IMMP2L: variants seen among roughly 807,000 people sequenced by gnomAD.
IMMP2L encodes the protein inner mitochondrial membrane peptidase subunit 2.
Under a neutral mutation model 19.3 loss-of-function variants are expected in IMMP2L, and 18 were observed. The observed-to-expected ratio is 0.93, with a 90% CI of 0.64 to 1.38. IMMP2L has a LOEUF of 1.38. Ranked by LOEUF, IMMP2L falls within the 40% of genes most tolerant of loss-of-function variation. IMMP2L has a pLI of 0.00. For missense variants in IMMP2L, 233 were observed against 218.2 expected (o/e 1.07, Z -0.43); for synonymous variants, 76 against 73.0 (o/e 1.04, Z -0.21).
chr7:110,942,304 T>C (rs192983967), intron 4 of IMMP2L, among the ~76,000 whole-genome samples: 1 of 152,060 alleles, frequency 6.6e-6, no homozygotes, highest in East Asian at 1.9e-4. Context: ...AAATACACAA[T>C]AGCAGTGTCA....
chr7:110,973,788 C>A (rs1820403623), intron 3 of IMMP2L, among the ~76,000 whole-genome samples: 1 of 152,100 alleles, frequency 6.6e-6, no homozygotes, highest in Admixed American at 6.6e-5. Flanking sequence ...ATTCTGTACA[C>A]ATACAAAATG....
chr7:111,173,283 A>T (rs1376522448), intron 3 of IMMP2L, among the ~76,000 whole-genome samples: 1 of 151,616 alleles, frequency 6.6e-6, no homozygotes, highest in African/African-American at 2.4e-5. Context: ...TTTTTCTGAT[A>T]AATTAATTTC....
chr7:110,778,939 C>T (rs1397307506), intron 5 of IMMP2L, among the ~76,000 whole-genome samples: 2 of 151,928 alleles, frequency 1.3e-5, no homozygotes, highest in African/African-American at 4.8e-5. Flanking sequence ...ATTGAACATC[C>T]AGCTGGGAAG....
intron 3 of IMMP2L, among the ~76,000 whole-genome samples, chr7:111,457,730 C>A (rs2131975998): frequency 7.0e-6 from 1 of 142,666 alleles, no homozygotes; most frequent in Admixed American, 7.2e-5. Context: ...CCTTTAGTTG[C>A]TTCAAGATAT....
chr7:111,521,283 C>G, intron 2 of IMMP2L, 30 bp downstream of exon 2: 1 of 1,599,868 alleles, frequency 6.3e-7, no homozygotes, highest in South Asian at 1.1e-5. Flanking sequence ...GAAGTATGTG[C>G]TTTAAAGAAC....
intron 3 of IMMP2L, among the ~76,000 whole-genome samples, chr7:111,475,891 T>C (rs979108593): frequency 2.0e-5 from 3 of 152,104 alleles, no homozygotes; most frequent in Non-Finnish European, 4.4e-5. Context: ...GTGTTCCAAG[T>C]CTCCTATCTG....
At chr7:111,300,036 A>G (rs554010353) in intron 3 of IMMP2L, among the ~76,000 whole-genome samples, 114 of 152,316 alleles carry the variant, frequency 7.5e-4, no homozygotes, top group African/African-American at 2.6e-3. Flanking sequence ...AAAAATATTA[A>G]GACATCTATA....
At chr7:111,384,320 AAGG>A (rs1831521854) in intron 3 of IMMP2L, among the ~76,000 whole-genome samples, 1 of 148,808 alleles carries the variant, frequency 6.7e-6, no homozygotes, top group Non-Finnish European at 1.5e-5. Context: ...GGAAAAGGAG[AAGG>A]AGGAGGGAGG....
intron 3 of IMMP2L, among the ~76,000 whole-genome samples, chr7:111,163,637 A>G (rs1400141649): frequency 3.9e-5 from 6 of 152,028 alleles, no homozygotes; most frequent in Admixed American, 3.9e-4. Context: ...GTGGAGTTTC[A>G]TGAGCTTTAG....
At chr7:111,468,186 A>G (rs950496072) in intron 3 of IMMP2L, among the ~76,000 whole-genome samples, 1 of 152,198 alleles carries the variant, frequency 6.6e-6, no homozygotes, top group African/African-American at 2.4e-5. Context: ...TGAGCTGTAC[A>G]GCTTAACCAA....
chr7:110,849,964 A>G (rs1028438347), intron 5 of IMMP2L, among the ~76,000 whole-genome samples: 2 of 152,108 alleles, frequency 1.3e-5, no homozygotes, highest in Non-Finnish European at 2.9e-5. Flanking sequence ...AATGTTCATA[A>G]TATAATATTT....
chr7:111,376,259 T>A (rs1830669122), intron 3 of IMMP2L, among the ~76,000 whole-genome samples: 1 of 152,012 alleles, frequency 6.6e-6, no homozygotes, highest in African/African-American at 2.4e-5. Flanking sequence ...AGCCCCATAA[T>A]CTCATTAACT....
At chr7:111,484,271 C>T (rs573672642) in intron 3 of IMMP2L, among the ~76,000 whole-genome samples, 7 of 152,226 alleles carry the variant, frequency 4.6e-5, no homozygotes, top group Admixed American at 2.6e-4. Context: ...CATCAGTGCT[C>T]TGGTTATAAA....
rs1040831116 is a variant in IMMP2L, at chr7:111,515,819, A to G, written c.135+5494T>C. ...AATCTTTTTCCCCCATTATAACATA[A>G]AGCTTAATTTCTATATTTAAGTCCT... is the stretch of plus-strand genomic sequence containing the variant. On this transcript the variant is annotated intron_variant, in intron 2 of 5. Transcript: ENST00000405709. Among the ~76,000 whole-genome samples the G allele has an allele frequency of 1.3e-5, 2 of 152,096 alleles. 1 individual carries two copies. The highest frequency in any genetic ancestry group is 4.1e-4 in the South Asian group (2 of 4,820).
intron 3 of IMMP2L, chr7:111,411,389 G>A: frequency 2.1e-6 from 1 of 472,810 alleles, no homozygotes; most frequent in South Asian, 1.5e-5. Context: ...TTCAAAAAAA[G>A]GGGTCCCCGT....
At chr7:110,749,272 T>C (rs1161831241) in intron 5 of IMMP2L, among the ~76,000 whole-genome samples, 1 of 152,082 alleles carries the variant, frequency 6.6e-6, no homozygotes, top group Non-Finnish European at 1.5e-5. Flanking sequence ...TGTGGAGAAA[T>C]AGGAACGTTT....
rs1489404766 is a variant in IMMP2L, at chr7:110,814,972, G to C, written c.408+71621C>G. ...GAAACAAAATACAATTGATACAATA[G>C]CAAGCCTCGTAAAACCACACTGAAC... On this transcript the variant is annotated intron_variant, in intron 5 of 5. Transcript: ENST00000405709. 2.0e-5 allele frequency among the ~76,000 whole-genome samples: 3 copies of C among 151,852 alleles called. No homozygotes were observed. The East Asian group carries it at 5.8e-4, about 29-fold the overall frequency.
intron 5 of IMMP2L, among the ~76,000 whole-genome samples, chr7:110,801,574 T>A (rs11973270): frequency 0.044 from 6,711 of 152,166 alleles, 229 homozygotes; most frequent in Non-Finnish European, 0.069. Context: ...ATTTATGCTG[T>A]TACAATTCTA....
intron 3 of IMMP2L, among the ~76,000 whole-genome samples, chr7:111,114,754 G>C (rs1404770568): frequency 7.0e-6 from 1 of 143,102 alleles, no homozygotes; most frequent in Non-Finnish European, 1.5e-5. Context: ...AAAAAAAAAA[G>C]AAAGAAAGAA....
Sources: allele counts gnomAD v4.1 joint callset (sites outside exome capture counted in the v4.1 genomes callset), GRCh38; gene constraint gnomAD v4.1.1; transcripts MANE v1.5; gene names NCBI Gene and HGNC (gene_info 2026-07-23, HGNC 2026-07-21).